The following PRPF6 variants were observed in gnomAD, a reference collection of about 807,000 sequenced individuals.
PRPF6 encodes pre-mRNA-processing factor 6.
PRPF6 carries 42 observed loss-of-function variants against 118.3 expected under a neutral mutation model. The ratio of observed to expected loss-of-function variants is 0.35; its 90% CI spans 0.28 to 0.46. PRPF6 has a LOEUF of 0.46. Among genes scored for constraint, PRPF6 ranks in the 20% least tolerant of loss-of-function variants. The probability of loss-of-function intolerance (pLI) is 1.00; values close to 1 mark genes in which losing one functional copy is unlikely to be tolerated. For synonymous variants in PRPF6, 481 were observed against 485.1 expected, an observed-to-expected ratio of 0.99 and a Z score of 0.11; for missense variants, 662 against 1,255.7, an observed-to-expected ratio of 0.53 and a Z score of 7.15.
In PRPF6 at chr20:63,983,044, C is replaced by T. The variant is rs2059078306; in HGVS notation, c.72-3C>T. 2.5e-6 allele frequency: 4 copies of T among 1,613,962 alleles called. No individual in the cohort carries two copies. Among genetic ancestry groups the T allele is most frequent in the African/African-American group, 1.3e-5 (1 of 75,052 alleles). ...CACCCGGTGTCTTGGGGGTCTCCTG[C>T]AGCGCCACTGGCTTCACCACGCGGT... is the stretch of plus-strand genomic sequence containing the variant. On this transcript the variant is annotated splice_region_variant and splice_polypyrimidine_tract_variant and intron_variant, in intron 1 of 20. Transcript: ENST00000266079.
At chr20:64,023,022 T>C in intron 13 of PRPF6, 144 bp downstream of exon 13, 2 of 1,301,254 alleles carry the variant, frequency 1.5e-6, no homozygotes, top group East Asian at 5.0e-5. Flanking sequence ...TGAAGGATTT[T>C]ATGGCATTTG....
rs1216084730 is a variant in PRPF6, at chr20:63,993,488, G to A, written c.438+3G>A. The A allele has an allele frequency of 4.4e-6, 7 of 1,608,662 alleles. No individual in the cohort carries two copies. Among genetic ancestry groups the A allele is most frequent in the Non-Finnish European group, 6.0e-6 (7 of 1,175,584 alleles). ...AACAGCAGTTCTCAGACCTCAAGGTGAGCCGATGAAGCGGTGAATGGTGTG... is the reference window on the plus strand; with the variant it reads ...AACAGCAGTTCTCAGACCTCAAGGTAAGCCGATGAAGCGGTGAATGGTGTG... On this transcript the variant is annotated splice_donor_region_variant and intron_variant, in intron 4 of 20. Transcript: ENST00000266079.
Position 64,029,587 on chromosome 20 carries a change from C to A in PRPF6, c.2546+96C>A. 1.8e-6 allele frequency: 2 copies of A among 1,126,948 alleles called. No homozygotes were observed. The highest frequency in any genetic ancestry group is 2.6e-6 in the Non-Finnish European group (2 of 756,408). 69.8% of individuals were successfully genotyped at this position (1,126,948 alleles called of 1,614,324 possible). Reference sequence around the variant, plus strand: ...CTCTTCCTGGTCATTGTAAAGATGCCCGGCAGCAGGGTGGGCTTCCCCGAT... The same window carrying A: ...CTCTTCCTGGTCATTGTAAAGATGCACGGCAGCAGGGTGGGCTTCCCCGAT... On this transcript the variant is annotated intron_variant, in intron 19 of 20. Transcript: ENST00000266079. This position sits in a 1 kb window ranked among gnomAD's most constrained non-coding sequence, Gnocchi z 4.8.
At chr20:63,994,833 A>G in intron 4 of PRPF6, 83 bp from the exon 5 acceptor site, 1 of 1,555,294 alleles carries the variant, frequency 6.4e-7, no homozygotes. Flanking sequence ...TCTGGAGGCT[A>G]GGGGTGAGAG....
In PRPF6 at chr20:63,999,112, T is replaced by C; in HGVS notation, c.839T>C (p.Met280Thr). 6.2e-7 allele frequency: 1 copy of C among 1,613,940 alleles called. No homozygotes were observed. Among genetic ancestry groups the C allele is most frequent in the Non-Finnish European group, 8.5e-7 (1 of 1,179,944 alleles). Reference protein sequence around the residue: ...PKGYLTDLNSMIPTHGGDIND... With the variant: ...PKGYLTDLNSTIPTHGGDIND... Reference sequence around the variant, plus strand: ...GGCTACCTGACGGATTTAAATTCCATGATCCCGACACACGGAGGAGACATC... The same window carrying C: ...GGCTACCTGACGGATTTAAATTCCACGATCCCGACACACGGAGGAGACATC... The change falls in exon 7 of 21, where the codon ATG becomes ACG. Residue 280 changes from methionine to threonine, a missense_variant. Transcript: ENST00000266079.
chr20:63,997,089 C>T (rs2059143778), intron 6 of PRPF6, among the ~76,000 whole-genome samples: 1 of 152,054 alleles, frequency 6.6e-6, no homozygotes, highest in Non-Finnish European at 1.5e-5. Context: ...CTGTTTTCAT[C>T]TTCCCAAATT....
At position 64,029,509 on chromosome 20, in the gene PRPF6, A is replaced by C; in HGVS notation, c.2546+18A>C. The C allele has an allele frequency of 6.2e-7, 1 of 1,606,150 alleles. No individual in the cohort carries two copies. The highest frequency in any genetic ancestry group is 8.5e-7 in the Non-Finnish European group (1 of 1,173,008). On this transcript the variant is annotated intron_variant, in intron 19 of 20. Coordinates refer to ENST00000266079, the MANE Select transcript of PRPF6 (RefSeq NM_012469.4). This position sits in a 1 kb window ranked among gnomAD's most constrained non-coding sequence, Gnocchi z 4.8. ...GTGGCCAAGTGAGTGGGGCCCCCAC[A>C]GGATTGCTGAACCTCGGGGTCCTAA...
chr20:64,005,982 A>C (rs1026777666), intron 9 of PRPF6, among the ~76,000 whole-genome samples: 2 of 151,980 alleles, frequency 1.3e-5, no homozygotes, highest in East Asian at 3.9e-4. Flanking sequence ...TGATCCTCCC[A>C]CCTCAGTCTC....
chr20:64,012,956 C>T (rs1193588579), intron 11 of PRPF6, among the ~76,000 whole-genome samples: 1 of 150,226 alleles, frequency 6.7e-6, no homozygotes, highest in Admixed American at 6.6e-5. Flanking sequence ...TCCCCCACAC[C>T]CTTTTTTTTT....
chr20:64,028,521 A>G lies in PRPF6; in HGVS notation c.2383A>G (p.Ile795Val). ...RLEYRAGLKN[I>V]ANTLMAKALQ... ...GGAGTACCGTGCGGGGCTGAAGAACATCGCAAATACACTCATGGCCAAGGC... is the reference window on the plus strand; with the variant it reads ...GGAGTACCGTGCGGGGCTGAAGAACGTCGCAAATACACTCATGGCCAAGGC... The change falls in exon 18 of 21, where the codon ATC becomes GTC. Residue 795 changes from isoleucine (I) to valine (V), a missense_variant. This residue lies in a region of PRPF6 where 244 missense variants were observed against 383.7 expected (regional missense o/e 0.64). Transcript: ENST00000266079. This position sits in a 1 kb window ranked among gnomAD's most constrained non-coding sequence, Gnocchi z 6.5. 1.2e-6 allele frequency: 2 copies of G among 1,613,916 alleles called. No individual in the cohort carries two copies. The highest frequency in any genetic ancestry group is 1.1e-5 in the South Asian group (1 of 91,084).
intron 12 of PRPF6, 97 bp from the exon 13 acceptor site, chr20:64,022,660 T>C (rs955835456): frequency 2.5e-5 from 39 of 1,541,244 alleles, no homozygotes; most frequent in African/African-American, 1.9e-4. Context: ...CTAGCAGATA[T>C]CATCTTTCAG....
chr20:64,011,532 T>C lies in PRPF6; in HGVS notation c.1524+29T>C. ...GGCCGCAGGCGGGTGTCGTGGTGTC[T>C]GCTTTAACAGTGCACATGCAGCACG... On this transcript the variant is annotated intron_variant, in intron 11 of 20. Coordinates refer to ENST00000266079, the MANE Select transcript of PRPF6 (RefSeq NM_012469.4). The surrounding 1 kb of genome is among the most constrained non-coding windows in gnomAD (Gnocchi z 6.7). 1.3e-6 allele frequency: 2 copies of C among 1,595,390 alleles called. No individual in the cohort carries two copies. Among genetic ancestry groups the C allele is most frequent in the Non-Finnish European group, 1.7e-6 (2 of 1,171,416 alleles).
intron 3 of PRPF6, among the ~76,000 whole-genome samples, chr20:63,989,470 A>G (rs1306494163): frequency 3.3e-5 from 5 of 152,204 alleles, no homozygotes; most frequent in Non-Finnish European, 7.3e-5. Flanking sequence ...CTCATTATAG[A>G]ATATTAGGAA....
chr20:63,992,453 G>A (rs926508020), intron 3 of PRPF6, among the ~76,000 whole-genome samples: 1 of 151,542 alleles, frequency 6.6e-6, no homozygotes, highest in Admixed American at 6.6e-5. Flanking sequence ...GTATAGATGG[G>A]GTTTTACCAC....
At chr20:64,007,614 A>G (rs2059196707) in intron 9 of PRPF6, among the ~76,000 whole-genome samples, 1 of 150,000 alleles carries the variant, frequency 6.7e-6, no homozygotes, top group African/African-American at 2.5e-5. Flanking sequence ...CCACAAGTAC[A>G]TGCCACCACG....
Position 63,995,315 on chromosome 20 carries a change from C to T in PRPF6, c.616-12C>T. The T allele has an allele frequency of 1.9e-6, 3 of 1,606,380 alleles. No individual in the cohort carries two copies. Among genetic ancestry groups the T allele is most frequent in the South Asian group, 1.1e-5 (1 of 90,170 alleles). ...GTTGTTTTATTCTTGCCTTTCCTCTCTTCCCCTCCAGCAATTTGGAGGTCT... is the reference window on the plus strand; with the variant it reads ...GTTGTTTTATTCTTGCCTTTCCTCTTTTCCCCTCCAGCAATTTGGAGGTCT... On this transcript the variant is annotated splice_polypyrimidine_tract_variant and intron_variant, in intron 5 of 20. Coordinates refer to ENST00000266079, the MANE Select transcript of PRPF6 (RefSeq NM_012469.4).
At chr20:63,993,363 A>G (rs1185104018) in intron 3 of PRPF6, 44 bp from the exon 4 acceptor site, 1 of 1,482,066 alleles carries the variant, frequency 6.7e-7, no homozygotes, top group Non-Finnish European at 9.4e-7. Context: ...TTGCTTCAGA[A>G]CAGACATGCA....
intron 12 of PRPF6, among the ~76,000 whole-genome samples, chr20:64,018,963 A>T (rs1156695182): frequency 2.0e-5 from 3 of 151,922 alleles, no homozygotes; most frequent in Admixed American, 2.0e-4. Flanking sequence ...ATTCTTTTGC[A>T]CCCCGTGTGG....
chr20:64,004,916 T>C (rs535855695), intron 9 of PRPF6, among the ~76,000 whole-genome samples: 2 of 152,218 alleles, frequency 1.3e-5, no homozygotes, highest in Non-Finnish European at 2.9e-5. Context: ...CATCCTTCAG[T>C]GGCCGTCGCC....
Sources: allele counts gnomAD v4.1 joint callset (sites outside exome capture counted in the v4.1 genomes callset), GRCh38; gene constraint gnomAD v4.1.1; regional missense constraint gnomAD v4.1.1; non-coding constraint Gnocchi (gnomAD v3.1); transcripts MANE v1.5; gene names NCBI Gene and HGNC (gene_info 2026-07-23, HGNC 2026-07-21).